The following OR1I1 variants were observed in gnomAD, a reference collection of about 807,000 sequenced individuals.
The protein encoded by OR1I1 is olfactory receptor family 1 subfamily I member 1, also known as olfactory receptor 1I1.
For missense variants in OR1I1, 451 were observed against 443.6 expected, an observed-to-expected ratio of 1.02 and a Z score of -0.15; for synonymous variants, 171 against 181.4, an observed-to-expected ratio of 0.94 and a Z score of 0.46.
chr19:15,092,825 C>T lies in OR1I1; in HGVS notation c.*4692C>T, dbSNP rs2046262507. The T allele has an allele frequency of 6.6e-6, 1 of 152,044 alleles. No homozygotes were observed. Among genetic ancestry groups the T allele is most frequent in the South Asian group, 2.1e-4 (1 of 4,832 alleles). 9.4% of individuals were successfully genotyped at this position (152,044 alleles called of 1,614,324 possible). ...GGAGTGGGCAACATAGTGAGACCTCCCCCATCTCTACAAAAATTTTTTAAT... is the reference window on the plus strand; with the variant it reads ...GGAGTGGGCAACATAGTGAGACCTCTCCCATCTCTACAAAAATTTTTTAAT... On this transcript the variant is annotated 3_prime_UTR_variant, in exon 2 of 2. Coordinates refer to ENST00000641398, the MANE Select transcript of OR1I1 (RefSeq NM_001004713.2).
intron 1 of OR1I1, among the ~76,000 whole-genome samples, chr19:15,085,750 T>C (rs142269050): frequency 1.2e-3 from 187 of 152,074 alleles, no homozygotes; most frequent in African/African-American, 4.4e-3. Flanking sequence ...AGATTGGCCA[T>C]TTTAAATTCC....
Position 15,088,879 on chromosome 19 carries a change from C to A in OR1I1, c.*746C>A, listed in dbSNP as rs955659706. Reference sequence around the variant, plus strand: ...ATAGGTAGGTAGGTAGGTAGGTCAACCGATCGATAGATCTATCTATTGACA... The same window carrying A: ...ATAGGTAGGTAGGTAGGTAGGTCAAACGATCGATAGATCTATCTATTGACA... On this transcript the variant is annotated 3_prime_UTR_variant, in exon 2 of 2. Transcript: ENST00000641398. 1 of 148,692 alleles carries A rather than the reference C, an allele frequency of 6.7e-6. No homozygotes were observed. The allele number at this position is 148,692 out of a possible 1,614,324, so 9.2% of individuals were successfully genotyped here.
In OR1I1 at chr19:15,088,020, T is replaced by C. The variant is rs746173761; in HGVS notation, c.955T>C (p.Leu319=). Residue 319 remains leucine, a synonymous_variant, in exon 2 of 2, where the codon TTG becomes CTG. Transcript: ENST00000641398. ...AVPCPRPEQL[L]DVYHVPGSLL... is the part of the protein sequence containing the mutation. ...CCCCTGTCCTAGGCCAGAACAGTTA[T>C]TGGATGTTTATCATGTTCCAGGATC... The C allele has an allele frequency of 1.5e-5, 24 of 1,613,798 alleles. No homozygotes were observed. Among genetic ancestry groups the C allele is most frequent in the South Asian group, 1.1e-4 (10 of 91,048 alleles).
At position 15,085,170 on chromosome 19, in the gene OR1I1, A is replaced by ATTTTTT. The variant is rs1568321906; in HGVS notation, c.-13-1882_-13-1881insTTTTTT. On this transcript the variant is annotated intron_variant, in intron 1 of 1. Coordinates refer to ENST00000641398, the MANE Select transcript of OR1I1 (RefSeq NM_001004713.2). ...TATATATATATATATATATATATAT[A>ATTTTTT]TATATATTTTTTTTTTTGAGACAGA... is the stretch of plus-strand genomic sequence containing the variant. Among the ~76,000 whole-genome samples the ATTTTTT allele has an allele frequency of 2.6e-4, 5 of 19,330 alleles. 1 individual carries two copies. Among genetic ancestry groups the ATTTTTT allele is most frequent in the African/African-American group, 5.8e-4 (5 of 8,676 alleles). 12.7% of individuals were successfully genotyped at this position (19,330 alleles called of 152,430 possible). A position where few individuals can be genotyped will look rare whatever the true frequency, so the allele number is the denominator to read the frequency against.
intron 1 of OR1I1, among the ~76,000 whole-genome samples, chr19:15,085,162 A>T (rs74182246): frequency 0.059 from 2,056 of 34,604 alleles, 166 homozygotes; most frequent in African/African-American, 0.31. Context: ...ATATATATAT[A>T]TATATATATA....
At chr19:15,085,133 TATATATATATATATATATA>T (rs1568321790) in intron 1 of OR1I1, among the ~76,000 whole-genome samples, 15 of 11,140 alleles carry the variant, frequency 1.3e-3, no homozygotes, top group South Asian at 4.6e-3. Flanking sequence ...TTTTGACTTA[TATATATATATATATATATA>T]TATATATATA....
At chr19:15,082,662 C>T (rs1909529437) in intron 1 of OR1I1, among the ~76,000 whole-genome samples, 2 of 151,856 alleles carry the variant, frequency 1.3e-5, no homozygotes, top group African/African-American at 4.8e-5. Context: ...CAAGTGTGGT[C>T]CCTGGGCTAG....
rs2046243549 is a variant in OR1I1, at chr19:15,088,790, T to TAGATAGATAGATAGATAGATAGATAGAC, written c.*684_*685insCAGATAGATAGATAGATAGATAGATAGA. Reference sequence around the variant, plus strand: ...TAAGATATGTAGATAGATAGATAGATAGATAGATAGATAGATAGATAGATA... The same window carrying TAGATAGATAGATAGATAGATAGATAGAC: ...TAAGATATGTAGATAGATAGATAGATAGATAGATAGATAGATAGATAGATAGACAGATAGATAGATAGATAGATAGATA... On this transcript the variant is annotated 3_prime_UTR_variant, in exon 2 of 2. Transcript: ENST00000641398. 7 of 102,722 alleles carry TAGATAGATAGATAGATAGATAGATAGAC rather than the reference T, an allele frequency of 6.8e-5. No individual in the cohort carries two copies. The highest frequency in any genetic ancestry group is 2.3e-4 in the African/African-American group (7 of 30,662). 6.4% of individuals were successfully genotyped at this position (102,722 alleles called of 1,614,324 possible).
intron 1 of OR1I1, among the ~76,000 whole-genome samples, chr19:15,085,151 TATATATATATATATA>T (rs2046223967): frequency 9.4e-5 from 4 of 42,742 alleles, no homozygotes; most frequent in African/African-American, 3.8e-4. Context: ...TATATATATA[TATATATATATATATA>T]TATATATATA....
chr19:15,090,536 G>T lies in OR1I1; in HGVS notation c.*2403G>T, dbSNP rs1032995864. ...TCTCGGACTCTTAACCTCCAGAACT[G>T]TAAGACAACAAATTTCTATTGTTTA... is the stretch of plus-strand genomic sequence containing the variant. On this transcript the variant is annotated 3_prime_UTR_variant, in exon 2 of 2. Coordinates refer to ENST00000641398, the MANE Select transcript of OR1I1 (RefSeq NM_001004713.2). The T allele has an allele frequency of 6.6e-6, 1 of 152,034 alleles. No individual in the cohort carries two copies. The allele number at this position is 152,034 out of a possible 1,614,324, so 9.4% of individuals were successfully genotyped here.
Position 15,090,591 on chromosome 19 carries a change from T to A in OR1I1, c.*2458T>A, listed in dbSNP as rs1488785645. The stretch of plus-strand genomic sequence containing the variant: ...ACCTAGTTCATGGTAATTTTTAAAT[T>A]TTTTTTTCTTTTAGAGACAGACAGG... On this transcript the variant is annotated 3_prime_UTR_variant, in exon 2 of 2. Coordinates refer to ENST00000641398, the MANE Select transcript of OR1I1 (RefSeq NM_001004713.2). The A allele has an allele frequency of 6.6e-6, 1 of 152,102 alleles. No homozygotes were observed. Among genetic ancestry groups the A allele is most frequent in the Non-Finnish European group, 1.5e-5 (1 of 68,026 alleles). 9.4% of individuals were successfully genotyped at this position (152,102 alleles called of 1,614,324 possible). A position where few individuals can be genotyped will look rare whatever the true frequency, so the allele number is the denominator to read the frequency against.
chr19:15,087,480 CCT>C lies in OR1I1; in HGVS notation c.416_417del (p.Pro139ArgfsTer34). On this transcript the variant is annotated frameshift_variant, in exon 2 of 2. Transcript: ENST00000641398. LOFTEE classifies it low-confidence loss of function (END_TRUNC). ...PQRYLVLMCS[P>X]VCGLLLGASW... ...GCGTTACTTGGTTCTCATGTGCTCC[CCT>C]GTCTGTGGGCTGCTGCTGGGAGCAT... 2 of 1,614,112 alleles carry C rather than the reference CCT, an allele frequency of 1.2e-6. No homozygotes were observed. Among genetic ancestry groups the C allele is most frequent in the Non-Finnish European group, 1.7e-6 (2 of 1,179,988 alleles).
In OR1I1 at chr19:15,087,392, C is replaced by G. The variant is rs780368873; in HGVS notation, c.327C>G (p.Thr109=). ...TGTATGCCTTCCACCTGTTCGGGAC[C>G]ATGGACAGCTTTCTCCTGGCAGTAA... ...TQMYAFHLFG[T]MDSFLLAVMA... Residue 109 remains threonine, a synonymous_variant, in exon 2 of 2, where the codon ACC becomes ACG. Transcript: ENST00000641398. The G allele has an allele frequency of 1.2e-6, 2 of 1,614,204 alleles. No individual in the cohort carries two copies. Among genetic ancestry groups the G allele is most frequent in the South Asian group, 2.2e-5 (2 of 91,082 alleles).
intron 1 of OR1I1, among the ~76,000 whole-genome samples, chr19:15,085,121 A>G (rs2046222874): frequency 1.7e-5 from 2 of 116,366 alleles, no homozygotes; most frequent in African/African-American, 3.0e-5. Flanking sequence ...TGTTCAATGC[A>G]TTTTTGACTT....
chr19:15,083,270 G>A (rs150436678), intron 1 of OR1I1, among the ~76,000 whole-genome samples: 110 of 152,118 alleles, frequency 7.2e-4, no homozygotes, highest in African/African-American at 2.3e-3. Flanking sequence ...GATCCAGGGC[G>A]GGATTGGGGG....
In OR1I1 at chr19:15,091,183, G is replaced by C. The variant is rs757962278; in HGVS notation, c.*3050G>C. On this transcript the variant is annotated 3_prime_UTR_variant, in exon 2 of 2. Coordinates refer to ENST00000641398, the MANE Select transcript of OR1I1 (RefSeq NM_001004713.2). ...TATGCACAATCTCAATAAGTGTTAA[G>C]CAACACCCCTACAAGGTAGGTGCAG... 1 of 152,128 alleles carries C rather than the reference G, an allele frequency of 6.6e-6. No homozygotes were observed. Among genetic ancestry groups the C allele is most frequent in the Non-Finnish European group, 1.5e-5 (1 of 68,024 alleles). The allele number at this position is 152,128 out of a possible 1,614,324, so 9.4% of individuals were successfully genotyped here. A position where few individuals can be genotyped will look rare whatever the true frequency, so the allele number is the denominator to read the frequency against.
rs1409878366 is a variant in OR1I1, at chr19:15,088,066, CAG to C, written c.1005_1006del (p.Glu335AspfsTer28). On this transcript the variant is annotated frameshift_variant, in exon 2 of 2. Transcript: ENST00000641398. LOFTEE classifies it low-confidence loss of function (END_TRUNC). ...GGATCACTGTTGGCTGCTAGGGACACAGAGATGCATCCCATCCCCTACCCTGG... is the reference window on the plus strand; with the variant it reads ...GGATCACTGTTGGCTGCTAGGGACACAGATGCATCCCATCCCCTACCCTGG... 1.9e-6 allele frequency: 3 copies of C among 1,590,480 alleles called. No homozygotes were observed. The highest frequency in any genetic ancestry group is 2.6e-6 in the Non-Finnish European group (3 of 1,164,122).
rs554632149 is a variant in OR1I1 at position 15,084,034 on chromosome 19, C to T, written c.-14+1758C>T. Among the ~76,000 whole-genome samples, 15 of 152,250 alleles carry T rather than the reference C, an allele frequency of 9.9e-5. No homozygotes were observed. In the South Asian group the frequency reaches 3.1e-3, roughly 32 times the overall value. The stretch of plus-strand genomic sequence containing the variant: ...CTTGTAATTGAATATTTTTCCCTTG[C>T]ACGTGTTGACAGCACAGAATTTAGC... On this transcript the variant is annotated intron_variant, in intron 1 of 1. Coordinates refer to ENST00000641398, the MANE Select transcript of OR1I1 (RefSeq NM_001004713.2).
In OR1I1 at chr19:15,091,828, C is replaced by CAAAA. The variant is rs36044069; in HGVS notation, c.*3718_*3721dup. ...TGGGTGACAGAGCGAGACTCTGTCT[C>CAAAA]AAAAAAAAAAAAAAAAAAAAAAAAA... is the stretch of plus-strand genomic sequence containing the variant. On this transcript the variant is annotated 3_prime_UTR_variant, in exon 2 of 2. Coordinates refer to ENST00000641398, the MANE Select transcript of OR1I1 (RefSeq NM_001004713.2). The CAAAA allele has an allele frequency of 2.5e-5, 2 of 81,008 alleles. No homozygotes were observed. The highest frequency in any genetic ancestry group is 6.0e-5 in the African/African-American group (1 of 16,678). The allele number at this position is 81,008 out of a possible 1,614,324, so 5.0% of individuals were successfully genotyped here.
Sources: allele counts gnomAD v4.1 joint callset (sites outside exome capture counted in the v4.1 genomes callset), GRCh38; gene constraint gnomAD v4.1.1; transcripts MANE v1.5; gene names NCBI Gene and HGNC (gene_info 2026-07-23, HGNC 2026-07-21).